Variants in ZC4H2 observed in about 807,000 individuals in gnomAD.
ZC4H2 encodes zinc finger C4H2-type containing.
For synonymous variants in ZC4H2, 84 were observed against 66.3 expected (o/e 1.27, Z -1.30); for missense variants, 137 against 173.9 (o/e 0.79, Z 1.19).
chrX:65,007,980 A>C (rs774031134), intron 1 of ZC4H2, among the ~76,000 whole-genome samples: 10 of 111,601 alleles, frequency 9.0e-5, no homozygotes, highest in Non-Finnish European at 1.5e-4. Flanking sequence ...TCAAGCTAAA[A>C]AGCTTCTGCA....
chrX:64,928,746 CTTCTTCTTCTTTTCTTCTTCTT>C (rs201597239), intron 1 of ZC4H2, among the ~76,000 whole-genome samples: 1 of 99,217 alleles, frequency 1.0e-5, no homozygotes, highest in Non-Finnish European at 2.0e-5. Flanking sequence ...TCTCCTTCTC[CTTCTTCTTCTTTTCTTCTTCTT>C]TTCTTCTTCT....
intron 1 of ZC4H2, among the ~76,000 whole-genome samples, chrX:65,008,612 C>G (rs775380266): frequency 8.9e-6 from 1 of 112,289 alleles, no homozygotes; most frequent in Non-Finnish European, 1.9e-5. Flanking sequence ...TACATACACA[C>G]AATGAAATAT....
rs1033537878 is a variant in ZC4H2, at chrX:65,016,536, T to G, written c.-272+18093A>C. Among the ~76,000 whole-genome samples, 3 of 112,023 alleles carry G rather than the reference T, an allele frequency of 2.7e-5. No homozygotes were observed. The Admixed American group carries it at 2.9e-4, about 11-fold the overall frequency. On this transcript the variant is annotated intron_variant, in intron 1 of 4. Coordinates refer to the ZC4H2 transcript ENST00000337990. ...TTTTTAGAGAGAGTTTTGGAGTAGATAATCCCATAAGTACCTGCTAGAATA... is the reference window on the plus strand; with the variant it reads ...TTTTTAGAGAGAGTTTTGGAGTAGAGAATCCCATAAGTACCTGCTAGAATA...
At chrX:64,924,631 A>T (rs933917210) in intron 1 of ZC4H2, among the ~76,000 whole-genome samples, 2 of 111,883 alleles carry the variant, frequency 1.8e-5, no homozygotes, top group Non-Finnish European at 3.8e-5. Context: ...AGAACTGAGG[A>T]TGTGAAATCT....
At chrX:64,945,587 C>T (rs1220705946) in intron 1 of ZC4H2, among the ~76,000 whole-genome samples, 1 of 111,660 alleles carries the variant, frequency 9.0e-6, no homozygotes, top group African/African-American at 3.3e-5. Context: ...GGCAGTCCAT[C>T]CCTTAGCATA....
At chrX:64,986,438 G>A (rs1266792492) in intron 1 of ZC4H2, among the ~76,000 whole-genome samples, 5 of 112,179 alleles carry the variant, frequency 4.5e-5, no homozygotes, top group Non-Finnish European at 3.8e-5. Flanking sequence ...TGACATTGGA[G>A]TTAGTTAGTG....
At chrX:64,960,167 C>G (rs1931323963) in intron 1 of ZC4H2, among the ~76,000 whole-genome samples, 1 of 110,926 alleles carries the variant, frequency 9.0e-6, no homozygotes, top group African/African-American at 3.3e-5. Flanking sequence ...AAGGGAAACT[C>G]AGTCAGAGCC....
intron 1 of ZC4H2, among the ~76,000 whole-genome samples, chrX:65,011,394 A>T (rs769265727): frequency 2.0e-4 from 22 of 111,205 alleles, no homozygotes; most frequent in Non-Finnish European, 3.6e-4. Context: ...TTCTTATGTG[A>T]TTCTGGTCTG....
intron 1 of ZC4H2, among the ~76,000 whole-genome samples, chrX:65,009,269 G>T (rs753265307): frequency 9.0e-6 from 1 of 111,719 alleles, no homozygotes; most frequent in South Asian, 3.8e-4. Context: ...ACACGGATGA[G>T]TGCAGGGAGA....
intron 1 of ZC4H2, among the ~76,000 whole-genome samples, chrX:64,946,328 C>T (rs1025063654): frequency 9.0e-6 from 1 of 111,026 alleles, no homozygotes; most frequent in Non-Finnish European, 1.9e-5. Context: ...CACAGCCTCA[C>T]AGCTTCCCTT....
intron 1 of ZC4H2, among the ~76,000 whole-genome samples, chrX:65,016,574 G>T (rs756951876): frequency 8.9e-6 from 1 of 111,752 alleles, no homozygotes; most frequent in Non-Finnish European, 1.9e-5. Context: ...GTTAGAAGAT[G>T]AATCGTATTG....
chrX:64,951,911 T>C (rs1381644721), intron 1 of ZC4H2, among the ~76,000 whole-genome samples: 1 of 111,772 alleles, frequency 8.9e-6, no homozygotes, highest in Non-Finnish European at 1.9e-5. Context: ...CTAGGTTTTC[T>C]TCTAGGGTTT....
chrX:64,919,964 TCTGA>T (rs367739271), intron 3 of ZC4H2, 113 bp downstream of exon 3: 27 of 812,953 alleles, frequency 3.3e-5, no homozygotes, highest in African/African-American at 1.9e-4. Flanking sequence ...AACTAGGCAC[TCTGA>T]CTTTCAGGCT....
At position 64,996,765 on chromosome X, in the gene ZC4H2, A is replaced by T. The variant is rs183569264; in HGVS notation, c.-272+37864T>A. ...GAAGTCAGAATCAGCAAACCTGAAG[A>T]TAGGACAACTGGAAGTACCCAGTCC... On this transcript the variant is annotated intron_variant, in intron 1 of 4. Transcript: ENST00000337990. Among the ~76,000 whole-genome samples, 20 of 111,377 alleles carry T rather than the reference A, an allele frequency of 1.8e-4. No individual in the cohort carries two copies. The Admixed American group carries it at 1.9e-3, about 11-fold the overall frequency.
At chrX:65,032,734 TTTCCTTCCTTCCTTCC>T (rs59235733) in intron 1 of ZC4H2, among the ~76,000 whole-genome samples, 8 of 86,796 alleles carry the variant, frequency 9.2e-5, no homozygotes, top group South Asian at 6.6e-4. Flanking sequence ...TTCTTCTTTC[TTTCCTTCCTTCCTTCC>T]TTCCTTCCTT....
chrX:64,976,495 G>C (rs1231569732), upstream of ZC4H2: 5 of 777,427 alleles, frequency 6.4e-6, no homozygotes, highest in African/African-American at 4.1e-5. Flanking sequence ...TGCGGTAGGG[G>C]CTTGGAGAGG....
At chrX:64,951,606 G>A (rs1160678348) in intron 1 of ZC4H2, among the ~76,000 whole-genome samples, 1 of 112,104 alleles carries the variant, frequency 8.9e-6, no homozygotes, top group Non-Finnish European at 1.9e-5. Flanking sequence ...CTTCTTTTGA[G>A]AAGTGTCTGT....
chrX:64,985,752 G>A (rs1231221321), intron 1 of ZC4H2, among the ~76,000 whole-genome samples: 4 of 111,661 alleles, frequency 3.6e-5, no homozygotes, highest in African/African-American at 6.5e-5. Flanking sequence ...TGCAGGCACC[G>A]TTAGAAACCT....
At chrX:64,975,610 C>G (rs1474675192) in intron 1 of ZC4H2, among the ~76,000 whole-genome samples, 1 of 111,254 alleles carries the variant, frequency 9.0e-6, no homozygotes, top group Admixed American at 9.5e-5. Flanking sequence ...ATCGCTTTGC[C>G]AAAAGCTGCT....
Sources: gnomAD v4.1 joint callset for allele counts (sites outside exome capture counted in the v4.1 genomes callset) on GRCh38, gnomAD v4.1.1 for gene constraint, MANE v1.5 for transcripts, NCBI Gene and HGNC (gene_info 2026-07-23, HGNC 2026-07-21) for gene names.